DAB1: variants seen among roughly 807,000 people sequenced by gnomAD.
DAB1 encodes DAB adaptor protein 1.
DAB1 carries 15 observed loss-of-function variants against 64.6 expected under a neutral mutation model. The observed-to-expected ratio is 0.23, with a 90% confidence interval of 0.16 to 0.36. The LOEUF is 0.36. Among genes scored for constraint, DAB1 ranks in the 10% least tolerant of loss-of-function variants. The pLI, the probability that DAB1 is intolerant of heterozygous loss-of-function variation, is 1.00. For missense variants in DAB1, 596 were observed against 706.7 expected (o/e 0.84, Z 1.78); for synonymous variants, 235 against 251.9 (o/e 0.93, Z 0.64).
At chr1:57,352,115 C>T (rs903250002) in intron 1 of DAB1, among the ~76,000 whole-genome samples, 3 of 152,122 alleles carry the variant, frequency 2.0e-5, no homozygotes, top group Non-Finnish European at 4.4e-5. Flanking sequence ...TTTGTTCCAT[C>T]CAACAAGACA....
At chr1:57,911,498 T>C (rs143574425) in intron 5 of DAB1, among the ~76,000 whole-genome samples, 99 of 152,300 alleles carry the variant, frequency 6.5e-4, no homozygotes, top group African/African-American at 2.2e-3. Context: ...CCCCTCTTTG[T>C]TGATCTCAGG....
chr1:57,766,737 G>C (rs1649329138), intron 6 of DAB1, among the ~76,000 whole-genome samples: 1 of 151,672 alleles, frequency 6.6e-6, no homozygotes, highest in Admixed American at 6.6e-5. Flanking sequence ...TAGACCTACA[G>C]GTTTAAGAAC....
Position 57,908,972 on chromosome 1 carries a change from T to TAA in DAB1, n.388-24812_388-24811dup, listed in dbSNP as rs34848109. On this transcript the variant is annotated intron_variant and non_coding_transcript_variant, in intron 5 of 20. Coordinates refer to the DAB1 transcript ENST00000485760. ...CTTGGGAACCAGGTCTATTTTCCTT[T>TAA]AAAAAAAAATGCCTATTTTACGTGA... Among the ~76,000 whole-genome samples, 1,296 of 151,530 alleles carry TAA rather than the reference T, an allele frequency of 8.6e-3. 7 individuals carry two copies. The highest frequency in any genetic ancestry group is 0.023 in the African/African-American group (949 of 41,272).
At chr1:57,605,990 C>A in intron 7 of DAB1, 4 of 671,334 alleles carry the variant, frequency 6.0e-6, no homozygotes, top group Non-Finnish European at 1.1e-5. Context: ...GTCTTAGAAC[C>A]TTCACCACAA....
Position 57,904,597 on chromosome 1 carries a change from G to A in DAB1, n.388-20435C>T, listed in dbSNP as rs1190157239. On this transcript the variant is annotated intron_variant and non_coding_transcript_variant, in intron 5 of 20. Transcript: ENST00000485760. ...CCCTTGAGGTACATGGTCAGAGGGG[G>A]CCTTTTGGAGCAGGAGATAATTGAA... 2.6e-5 allele frequency among the ~76,000 whole-genome samples: 4 copies of A among 152,310 alleles called. No homozygotes were observed. In the East Asian group the frequency reaches 7.7e-4, roughly 29 times the overall value.
At chr1:58,111,536 G>T (rs1651964569) in intron 5 of DAB1, among the ~76,000 whole-genome samples, 1 of 152,146 alleles carries the variant, frequency 6.6e-6, no homozygotes, top group Admixed American at 6.5e-5. Context: ...TTTTCCAAGA[G>T]CAACTTTTAG....
chr1:58,050,402 T>A (rs1647562832), intron 5 of DAB1, among the ~76,000 whole-genome samples: 1 of 152,070 alleles, frequency 6.6e-6, no homozygotes, highest in Admixed American at 6.6e-5. Context: ...ACAGCAGAAA[T>A]AAAGGTGAAA....
chr1:58,374,720 G>C (rs926963333), intron 3 of DAB1, among the ~76,000 whole-genome samples: 3 of 140,976 alleles, frequency 2.1e-5, no homozygotes, highest in African/African-American at 8.0e-5. Context: ...TGTGAAGAAA[G>C]TCATTGGTAG....
chr1:57,212,089 T>G (rs886595239), intron 2 of DAB1, among the ~76,000 whole-genome samples: 1 of 152,106 alleles, frequency 6.6e-6, no homozygotes, highest in Non-Finnish European at 1.5e-5. Flanking sequence ...ATGCTATAAT[T>G]TTAAGAGTGA....
chr1:58,054,345 T>G (rs1241370589), intron 5 of DAB1, among the ~76,000 whole-genome samples: 1 of 152,246 alleles, frequency 6.6e-6, no homozygotes, highest in Non-Finnish European at 1.5e-5. Flanking sequence ...CTTTATTTCA[T>G]AACCTCATAC....
At chr1:57,663,513 G>C (rs1646411624) in intron 6 of DAB1, among the ~76,000 whole-genome samples, 1 of 152,148 alleles carries the variant, frequency 6.6e-6, no homozygotes, top group South Asian at 2.1e-4. Context: ...ACCTGAACAG[G>C]TATGACTTGA....
At chr1:57,507,175 G>A (rs1644354011) in intron 7 of DAB1, among the ~76,000 whole-genome samples, 2 of 152,148 alleles carry the variant, frequency 1.3e-5, no homozygotes, top group South Asian at 4.1e-4. Flanking sequence ...CTGGCCCTAA[G>A]CAATCTTTCC....
chr1:57,101,547 A>G (rs1372908546), intron 4 of DAB1, among the ~76,000 whole-genome samples: 1 of 152,216 alleles, frequency 6.6e-6, no homozygotes, highest in East Asian at 1.9e-4. Context: ...AGTTCCAACA[A>G]AGGAGAGGCC....
At chr1:58,180,409 T>C (rs1319320048) in intron 4 of DAB1, among the ~76,000 whole-genome samples, 1 of 148,414 alleles carries the variant, frequency 6.7e-6, no homozygotes, top group Non-Finnish European at 1.5e-5. Context: ...CCTCTAATAT[T>C]AGCCACCAGA....
intron 4 of DAB1, among the ~76,000 whole-genome samples, chr1:58,186,305 G>C (rs1018138297): frequency 6.6e-6 from 1 of 152,150 alleles, no homozygotes; most frequent in South Asian, 2.1e-4. Flanking sequence ...TGTTGTTAAT[G>C]GTATAGCATC....
At chr1:58,530,364 A>C (rs1646415945) in intron 1 of DAB1, among the ~76,000 whole-genome samples, 1 of 152,212 alleles carries the variant, frequency 6.6e-6, no homozygotes, top group African/African-American at 2.4e-5. Flanking sequence ...TATTAGCCAA[A>C]AGTTGCCAAG....
intron 4 of DAB1, among the ~76,000 whole-genome samples, chr1:58,223,040 T>C (rs887244375): frequency 6.6e-6 from 1 of 152,192 alleles, no homozygotes; most frequent in African/African-American, 2.4e-5. Flanking sequence ...CATTTGTTGA[T>C]AGCATGCATT....
intron 4 of DAB1, among the ~76,000 whole-genome samples, chr1:57,092,418 A>T (rs568836874): frequency 6.6e-6 from 1 of 152,188 alleles, no homozygotes; most frequent in South Asian, 2.1e-4. Flanking sequence ...GTTATCCCCC[A>T]TGCTGTTCTC....
Position 57,709,519 on chromosome 1 carries a change from C to T in DAB1, n.552-59854G>A, listed in dbSNP as rs545978089. Among the ~76,000 whole-genome samples, 4 of 152,122 alleles carry T rather than the reference C, an allele frequency of 2.6e-5. No individual in the cohort carries two copies. The East Asian group carries it at 7.7e-4, about 29-fold the overall frequency. ...CTGGGGTAATAACCGAGGCTCATTA[C>T]CCCACCGCCTCAGAAAACAAGGATG... On this transcript the variant is annotated intron_variant and non_coding_transcript_variant, in intron 6 of 20. Coordinates refer to the DAB1 transcript ENST00000485760.
Sources: gnomAD v4.1 joint callset for allele counts (sites outside exome capture counted in the v4.1 genomes callset) on GRCh38, gnomAD v4.1.1 for gene constraint, MANE v1.5 for transcripts, NCBI Gene and HGNC (gene_info 2026-07-23, HGNC 2026-07-21) for gene names.